Variants in SHISA9 observed in about 807,000 individuals in gnomAD.
SHISA9 encodes shisa family member 9, also known as protein shisa-9.
A neutral mutation model predicts 38.0 loss-of-function variants in SHISA9; 13 were observed. The ratio of observed to expected loss-of-function variants is 0.34; its 90% confidence interval spans 0.22 to 0.54. The LOEUF (loss-of-function observed/expected upper bound fraction) is 0.54, where lower values mean the gene tolerates loss of function less well. Ranked by LOEUF, SHISA9 falls within the 20% of genes least tolerant of loss-of-function variation. SHISA9 has a pLI of 0.91. For synonymous variants in SHISA9, 275 were observed against 242.0 expected (o/e 1.14, Z -1.27); for missense variants, 538 against 575.8 (o/e 0.93, Z 0.67).
the SHISA9 span, among the ~76,000 whole-genome samples, chr16:13,307,929 G>C: frequency 6.6e-6 from 1 of 152,152 alleles, no homozygotes; most frequent in Admixed American, 6.6e-5. Flanking sequence ...ATTAGTGTTG[G>C]ATTTCACTGT....
At chr16:13,051,533 C>T (rs2073250990) in intron 2 of SHISA9, among the ~76,000 whole-genome samples, 1 of 152,194 alleles carries the variant, frequency 6.6e-6, no homozygotes, top group Non-Finnish European at 1.5e-5. Flanking sequence ...ACTTTACACA[C>T]CTTCTCATCC....
intron 2 of SHISA9, among the ~76,000 whole-genome samples, chr16:13,012,251 TTA>T (rs2072686999): frequency 6.6e-6 from 1 of 152,150 alleles, no homozygotes; most frequent in South Asian, 2.1e-4. Flanking sequence ...CAGAATAATA[TTA>T]TAGAGAGTGA....
intron 2 of SHISA9, among the ~76,000 whole-genome samples, chr16:13,041,977 CT>C (rs1439838282): frequency 2.0e-5 from 3 of 152,148 alleles, no homozygotes; most frequent in African/African-American, 7.2e-5. Flanking sequence ...CCGGCTTTGA[CT>C]TTTTGGTTTC....
At chr16:13,529,494 T>C in the SHISA9 span, among the ~76,000 whole-genome samples, 1 of 152,274 alleles carries the variant, frequency 6.6e-6, no homozygotes, top group South Asian at 2.1e-4. Context: ...ATGCATAATC[T>C]CCATGCCTTG....
At chr16:13,452,969 C>T in the SHISA9 span, among the ~76,000 whole-genome samples, 142 of 151,964 alleles carry the variant, frequency 9.3e-4, 1 homozygote, top group African/African-American at 3.3e-3. Context: ...AGTGCAGTGG[C>T]GCAATCTCAG....
At chr16:12,918,196 G>A (rs556046962) in intron 2 of SHISA9, among the ~76,000 whole-genome samples, 18 of 152,258 alleles carry the variant, frequency 1.2e-4, no homozygotes, top group African/African-American at 3.6e-4. Flanking sequence ...ATAGCCCCCC[G>A]AAGATATGGT....
intron 2 of SHISA9, among the ~76,000 whole-genome samples, chr16:12,972,235 C>T (rs1424848347): frequency 1.3e-5 from 2 of 152,064 alleles, no homozygotes; most frequent in Admixed American, 1.3e-4. Context: ...GGAAGGCTCT[C>T]TGGAAAGAAT....
the SHISA9 span, among the ~76,000 whole-genome samples, chr16:13,408,583 A>G: frequency 2.3e-4 from 35 of 152,164 alleles, no homozygotes; most frequent in Admixed American, 4.6e-4. Flanking sequence ...TTCACAATTC[A>G]TTGTTGTTAA....
the SHISA9 span, among the ~76,000 whole-genome samples, chr16:13,335,038 T>G: frequency 6.6e-6 from 1 of 152,206 alleles, no homozygotes; most frequent in Non-Finnish European, 1.5e-5. Context: ...TGTGAATTGT[T>G]TCCATGTGCA....
At chr16:12,993,007 G>A (rs1368064748) in intron 2 of SHISA9, among the ~76,000 whole-genome samples, 1 of 152,136 alleles carries the variant, frequency 6.6e-6, no homozygotes, top group Non-Finnish European at 1.5e-5. Context: ...AAACCATTTG[G>A]CACACACTGC....
chr16:13,424,292 T>C, the SHISA9 span, among the ~76,000 whole-genome samples: 1 of 152,232 alleles, frequency 6.6e-6, no homozygotes, highest in African/African-American at 2.4e-5. Flanking sequence ...GATAAATGAA[T>C]CAAAGTGCTC....
the SHISA9 span, among the ~76,000 whole-genome samples, chr16:13,382,267 C>T: frequency 6.6e-6 from 1 of 152,100 alleles, no homozygotes; most frequent in Non-Finnish European, 1.5e-5. Flanking sequence ...GTGGCTCATG[C>T]CTGTAATCCC....
the SHISA9 span, among the ~76,000 whole-genome samples, chr16:13,489,156 C>G: frequency 6.6e-6 from 1 of 152,100 alleles, no homozygotes; most frequent in Non-Finnish European, 1.5e-5. Context: ...AAGCGATTCT[C>G]CTGCCTAGGC....
At chr16:13,288,080 G>A in the SHISA9 span, among the ~76,000 whole-genome samples, 4 of 152,242 alleles carry the variant, frequency 2.6e-5, no homozygotes, top group Admixed American at 2.6e-4. Flanking sequence ...GTGGGAATCT[G>A]AGCTGAAGAT....
At chr16:13,048,424 A>G (rs1290927812) in intron 2 of SHISA9, among the ~76,000 whole-genome samples, 1 of 152,106 alleles carries the variant, frequency 6.6e-6, no homozygotes, top group African/African-American at 2.4e-5. Flanking sequence ...TTATGGACTT[A>G]TAACATTTTT....
chr16:13,252,456 C>A, the SHISA9 span, among the ~76,000 whole-genome samples: 1 of 152,212 alleles, frequency 6.6e-6, no homozygotes, highest in East Asian at 1.9e-4. Flanking sequence ...ACAGAAAATT[C>A]TCTGTTCCCA....
intron 2 of SHISA9, among the ~76,000 whole-genome samples, chr16:13,179,617 C>T (rs1459167490): frequency 6.6e-6 from 1 of 152,210 alleles, no homozygotes; most frequent in African/African-American, 2.4e-5. Context: ...CTCCTGCCTC[C>T]TGGCCTTGGC....
the SHISA9 span, among the ~76,000 whole-genome samples, chr16:13,441,664 T>C: frequency 6.6e-6 from 1 of 152,322 alleles, no homozygotes; most frequent in Admixed American, 6.5e-5. Context: ...CTGTCCAGTC[T>C]GCCCCCACTG....
the SHISA9 span, among the ~76,000 whole-genome samples, chr16:13,475,064 G>T: frequency 6.6e-6 from 1 of 152,130 alleles, no homozygotes; most frequent in South Asian, 2.1e-4. Context: ...TAGATTATGG[G>T]TAGGGGAAAA....
Sources: gnomAD v4.1 joint callset for allele counts (sites outside exome capture counted in the v4.1 genomes callset) on GRCh38, gnomAD v4.1.1 for gene constraint, MANE v1.5 for transcripts, NCBI Gene and HGNC (gene_info 2026-07-23, HGNC 2026-07-21) for gene names.